Variants in FAM135B observed in about 807,000 individuals in gnomAD.
The protein encoded by FAM135B is family with sequence similarity 135 member B.
Under a neutral mutation model 127.7 loss-of-function variants are expected in FAM135B, and 43 were observed. The ratio of observed to expected loss-of-function variants is 0.34; its 90% CI spans 0.26 to 0.43. The LOEUF (loss-of-function observed/expected upper bound fraction) is 0.43, where lower values mean the gene tolerates loss of function less well. FAM135B is among the 20% of genes least tolerant of loss of function. FAM135B has a pLI of 1.00. For synonymous variants in FAM135B, 670 were observed against 665.1 expected (o/e 1.01, Z -0.11); for missense variants, 1,558 against 1,725.6 (o/e 0.90, Z 1.72).
At chr8:138,352,803 G>C (rs1045400417) in intron 2 of FAM135B, among the ~76,000 whole-genome samples, 17 of 151,898 alleles carry the variant, frequency 1.1e-4, no homozygotes, top group Non-Finnish European at 2.1e-4. Context: ...TCAGGGAAGA[G>C]AGAAATCAGT....
intron 7 of FAM135B, among the ~76,000 whole-genome samples, chr8:138,229,442 G>T (rs150423803): frequency 6.6e-6 from 1 of 152,066 alleles, no homozygotes; most frequent in African/African-American, 2.4e-5. Context: ...CATCTAGGGC[G>T]CCTTTCCCCA....
Position 138,378,490 on chromosome 8 carries a change from A to C in FAM135B, c.-19-10488T>G, listed in dbSNP as rs139566179. Among the ~76,000 whole-genome samples, 8 of 152,306 alleles carry C rather than the reference A, an allele frequency of 5.3e-5. No homozygotes were observed. In the East Asian group the frequency reaches 1.5e-3, roughly 29 times the overall value. ...GTATGATAAAGAAGCAAACCTAAAAACAGTTCTGTAGCAATGGCAGGAGAG... is the reference window on the plus strand; with the variant it reads ...GTATGATAAAGAAGCAAACCTAAAACCAGTTCTGTAGCAATGGCAGGAGAG... On this transcript the variant is annotated intron_variant, in intron 1 of 19. Transcript: ENST00000395297.
chr8:138,334,889 T>C (rs148171245), intron 2 of FAM135B, among the ~76,000 whole-genome samples: 9 of 152,268 alleles, frequency 5.9e-5, no homozygotes, highest in Admixed American at 2.0e-4. Flanking sequence ...AACTACTCAA[T>C]TGTTCATAAG....
intron 1 of FAM135B, among the ~76,000 whole-genome samples, chr8:138,455,397 T>A (rs1836718924): frequency 6.6e-6 from 1 of 152,170 alleles, no homozygotes; most frequent in Admixed American, 6.5e-5. Flanking sequence ...TCTGACAGCA[T>A]CTCTTAAGAT....
chr8:138,451,853 TG>T (rs1836502540), intron 1 of FAM135B, among the ~76,000 whole-genome samples: 1 of 152,104 alleles, frequency 6.6e-6, no homozygotes, highest in Admixed American at 6.6e-5. Context: ...AACAAATGAA[TG>T]GGTAAATACA....
chr8:138,231,213 GT>G (rs1324486646), intron 7 of FAM135B, among the ~76,000 whole-genome samples: 3 of 151,918 alleles, frequency 2.0e-5, no homozygotes, highest in African/African-American at 7.3e-5. Flanking sequence ...TAGATACAGG[GT>G]TTTGTCTTGT....
intron 12 of FAM135B, among the ~76,000 whole-genome samples, 167 bp downstream of exon 12, chr8:138,167,728 T>C (rs575637273): frequency 6.6e-6 from 1 of 152,096 alleles, no homozygotes; most frequent in South Asian, 2.1e-4. Flanking sequence ...GTCTATTTCA[T>C]GGAAACAAAG....
intron 4 of FAM135B, among the ~76,000 whole-genome samples, chr8:138,265,467 T>C (rs1198541286): frequency 6.6e-6 from 1 of 152,022 alleles, no homozygotes; most frequent in African/African-American, 2.4e-5. Context: ...ACCCAGTAAA[T>C]GAGTCAATGG....
chr8:138,190,759 T>C (rs2131076440), intron 9 of FAM135B, among the ~76,000 whole-genome samples: 1 of 152,332 alleles, frequency 6.6e-6, no homozygotes, highest in South Asian at 2.1e-4. Flanking sequence ...AACTTGGTCT[T>C]CACCACCCCT....
At chr8:138,285,876 T>C (rs1824645543) in intron 3 of FAM135B, among the ~76,000 whole-genome samples, 1 of 152,224 alleles carries the variant, frequency 6.6e-6, no homozygotes, top group East Asian at 1.9e-4. Context: ...GTGGAAGTGA[T>C]GTGAGATTCT....
At position 138,449,495 on chromosome 8, in the gene FAM135B, G is replaced by C. The variant is rs151119769; in HGVS notation, c.-20+47176C>G. ...GGGGGGCAGTAGTGAAACAGGAGCC[G>C]TAACCAATACGAAGGGGTGGTCATC... On this transcript the variant is annotated intron_variant, in intron 1 of 19. Transcript: ENST00000395297. Among the ~76,000 whole-genome samples, 4 of 152,128 alleles carry C rather than the reference G, an allele frequency of 2.6e-5. No individual in the cohort carries two copies. The South Asian group carries it at 8.3e-4, about 32-fold the overall frequency.
chr8:138,301,169 C>A (rs1042394067), intron 3 of FAM135B, among the ~76,000 whole-genome samples: 1 of 152,084 alleles, frequency 6.6e-6, no homozygotes, highest in Non-Finnish European at 1.5e-5. Context: ...AGGAACTCTG[C>A]ACTATGCGAT....
At chr8:138,442,273 T>TATATATATAC in intron 1 of FAM135B, among the ~76,000 whole-genome samples, 3 of 139,030 alleles carry the variant, frequency 2.2e-5, no homozygotes, top group Non-Finnish European at 3.1e-5. Context: ...TATATATATA[T>TATATATATAC]ATATGAAAAA....
At chr8:138,335,726 G>T (rs1253966839) in intron 2 of FAM135B, among the ~76,000 whole-genome samples, 5 of 152,154 alleles carry the variant, frequency 3.3e-5, no homozygotes, top group African/African-American at 1.2e-4. Context: ...GGATATCCAG[G>T]AATTGAGCTC....
intron 2 of FAM135B, among the ~76,000 whole-genome samples, chr8:138,360,637 A>T (rs1231153193): frequency 6.6e-6 from 1 of 152,258 alleles, no homozygotes; most frequent in East Asian, 1.9e-4. Context: ...CTTAGCCTTA[A>T]TCCCATCATT....
At chr8:138,184,124 C>G (rs534985989) in intron 9 of FAM135B, among the ~76,000 whole-genome samples, 1 of 152,250 alleles carries the variant, frequency 6.6e-6, no homozygotes, top group South Asian at 2.1e-4. Context: ...GCTTTGCAGG[C>G]TGATGAGGAT....
chr8:138,444,446 A>G lies in FAM135B; in HGVS notation c.-20+52225T>C, dbSNP rs185787586. Among the ~76,000 whole-genome samples the G allele has an allele frequency of 5.6e-3, 858 of 152,232 alleles. 4 individuals carry two copies. Among genetic ancestry groups the G allele is most frequent in the Admixed American group, 9.2e-3 (140 of 15,290 alleles). ...TGTGAAAGAACAGAAATTATCACAAACTCTCTCTCAGACCACAGTGCAATC... is the reference window on the plus strand; with the variant it reads ...TGTGAAAGAACAGAAATTATCACAAGCTCTCTCTCAGACCACAGTGCAATC... On this transcript the variant is annotated intron_variant, in intron 1 of 19. Transcript: ENST00000395297.
chr8:138,243,396 G>A lies in FAM135B; in HGVS notation c.543-328C>T, dbSNP rs1473216753. 6.6e-6 allele frequency among the ~76,000 whole-genome samples: 1 copy of A among 152,162 alleles called. No homozygotes were observed. Among genetic ancestry groups the A allele is most frequent in the Non-Finnish European group, 1.5e-5 (1 of 68,044 alleles). Reference sequence around the variant, plus strand: ...ATCACTAGAGGGGAAGGTGGCATGGGCTCCGAAAATTTCAGGGGCAACTCT... The same window carrying A: ...ATCACTAGAGGGGAAGGTGGCATGGACTCCGAAAATTTCAGGGGCAACTCT... On this transcript the variant is annotated intron_variant, in intron 6 of 19. Transcript: ENST00000395297. This position sits in a 1 kb window ranked among gnomAD's most constrained non-coding sequence, Gnocchi z 7.5.
intron 1 of FAM135B, among the ~76,000 whole-genome samples, chr8:138,421,713 A>G (rs1834521266): frequency 6.6e-6 from 1 of 152,250 alleles, no homozygotes; most frequent in African/African-American, 2.4e-5. Flanking sequence ...CATACTGTCC[A>G]AAGAAATTTA....
Sources: gnomAD v4.1 joint callset for allele counts (sites outside exome capture counted in the v4.1 genomes callset) on GRCh38, gnomAD v4.1.1 for gene constraint, Gnocchi (gnomAD v3.1) non-coding constraint, MANE v1.5 for transcripts, NCBI Gene and HGNC (gene_info 2026-07-23, HGNC 2026-07-21) for gene names.